FMN1: variants seen among roughly 807,000 people sequenced by gnomAD.
FMN1 encodes the protein formin 1.
A neutral mutation model predicts 132.4 loss-of-function variants in FMN1; 110 were observed. The observed-to-expected ratio is 0.83, with a 90% CI of 0.71 to 0.97. The LOEUF (loss-of-function observed/expected upper bound fraction) is 0.97. FMN1 is among the 50% of genes least tolerant of loss of function. The pLI is 0.00. For synonymous variants in FMN1, 722 were observed against 651.7 expected (o/e 1.11, Z -1.64); for missense variants, 1,792 against 1,705.3 (o/e 1.05, Z -0.90).
intron 17 of FMN1, among the ~76,000 whole-genome samples, chr15:32,828,972 A>G (rs2058437375): frequency 6.6e-6 from 1 of 152,172 alleles, no homozygotes; most frequent in African/African-American, 2.4e-5. Flanking sequence ...ACCTATGTAT[A>G]TTTGCTACAC....
In FMN1 at chr15:32,774,183, A is replaced by T; in HGVS notation, c.*127T>A. ...GGGCACTCTCTGCAGATGACCTCAG[A>T]AAGAGATGAGCAAAAACAAACATTT... On this transcript the variant is annotated 3_prime_UTR_variant, in exon 21 of 21. Coordinates refer to ENST00000616417, the MANE Select transcript of FMN1 (RefSeq NM_001277313.2). 1 of 762,298 alleles carries T rather than the reference A, an allele frequency of 1.3e-6. No homozygotes were observed. Among genetic ancestry groups the T allele is most frequent in the Non-Finnish European group, 2.2e-6 (1 of 447,506 alleles). The allele number at this position is 762,298 out of a possible 1,614,324, so 47.2% of individuals were successfully genotyped here.
At chr15:32,884,890 G>A (rs2059858050) in intron 16 of FMN1, among the ~76,000 whole-genome samples, 1 of 152,192 alleles carries the variant, frequency 6.6e-6, no homozygotes, top group Non-Finnish European at 1.5e-5. Flanking sequence ...ATAGCCAGCT[G>A]GCCTCTCAGC....
rs192857870 is a variant in FMN1, at chr15:33,019,612, G to C, written c.2162-11537C>G. On this transcript the variant is annotated intron_variant, in intron 6 of 20. Coordinates refer to ENST00000616417, the MANE Select transcript of FMN1 (RefSeq NM_001277313.2). The stretch of plus-strand genomic sequence containing the variant: ...TCAGGCATGGCGAGCTGGAGGTCCC[G>C]AGCCCTGCCCTGCAAGGAGGCAGCT... Among the ~76,000 whole-genome samples, 1,105 of 152,288 alleles carry C rather than the reference G, an allele frequency of 7.3e-3. 7 individuals are homozygous for C. Among genetic ancestry groups the C allele is most frequent in the South Asian group, 0.024 (115 of 4,834 alleles).
chr15:33,015,376 G>A (rs2034981407), intron 6 of FMN1, among the ~76,000 whole-genome samples: 2 of 152,122 alleles, frequency 1.3e-5, no homozygotes, highest in African/African-American at 4.8e-5. Flanking sequence ...AATTTCAATG[G>A]CTGGCACCGA....
At position 32,982,427 on chromosome 15, in the gene FMN1, T is replaced by C. The variant is rs144744451; in HGVS notation, c.2224-12950A>G. Reference sequence around the variant, plus strand: ...TCCCACTCCTACACATTTGCCCAAGTGAAACAAAAACATAGGTTAATATGA... The same window carrying C: ...TCCCACTCCTACACATTTGCCCAAGCGAAACAAAAACATAGGTTAATATGA... On this transcript the variant is annotated intron_variant, in intron 7 of 20. Transcript: ENST00000616417. 1.0e-3 allele frequency among the ~76,000 whole-genome samples: 159 copies of C among 152,312 alleles called. 1 individual carries two copies. Among genetic ancestry groups the C allele is most frequent in the African/African-American group, 3.8e-3 (158 of 41,576 alleles).
chr15:33,058,421 G>A (rs566692040), intron 6 of FMN1, among the ~76,000 whole-genome samples: 1 of 152,202 alleles, frequency 6.6e-6, no homozygotes, highest in Admixed American at 6.5e-5. Context: ...AAATAAAAAT[G>A]TTTGCTCATG....
chr15:32,858,589 T>TAGAATA (rs2059189863), intron 16 of FMN1, among the ~76,000 whole-genome samples: 1 of 152,236 alleles, frequency 6.6e-6, no homozygotes, highest in South Asian at 2.1e-4. Flanking sequence ...TAGAGCTATC[T>TAGAATA]AGAATATCTG....
At chr15:32,934,469 C>T (rs957622141) in intron 9 of FMN1, among the ~76,000 whole-genome samples, 1 of 152,052 alleles carries the variant, frequency 6.6e-6, no homozygotes, top group Admixed American at 6.6e-5. Context: ...CTATGTCATG[C>T]CCTTTTCATT....
At chr15:33,087,409 G>A (rs1427172428) in intron 5 of FMN1, among the ~76,000 whole-genome samples, 2 of 152,140 alleles carry the variant, frequency 1.3e-5, no homozygotes, top group Non-Finnish European at 2.9e-5. Flanking sequence ...AGCTGGGTGT[G>A]GTAGCTCACG....
intron 9 of FMN1, among the ~76,000 whole-genome samples, chr15:32,955,778 T>C (rs768801726): frequency 8.6e-5 from 13 of 151,982 alleles, no homozygotes; most frequent in Non-Finnish European, 1.5e-4. Flanking sequence ...TCTCTTCCGA[T>C]ATGGAAGATT....
Position 33,100,196 on chromosome 15 carries a change from T to A in FMN1, c.1868-11222A>T, listed in dbSNP as rs1012675820. On this transcript the variant is annotated intron_variant, in intron 4 of 20. Transcript: ENST00000616417. Reference sequence around the variant, plus strand: ...TTTGGTAGAATAGAATATTTTGAACTGAGCCTAGAGTCTTAAACTTTCACA... The same window carrying A: ...TTTGGTAGAATAGAATATTTTGAACAGAGCCTAGAGTCTTAAACTTTCACA... 3.5e-5 allele frequency among the ~76,000 whole-genome samples: 5 copies of A among 142,496 alleles called. No individual in the cohort carries two copies. The South Asian group carries it at 1.1e-3, about 31-fold the overall frequency. 93.5% of individuals were successfully genotyped at this position (142,496 alleles called of 152,430 possible).
At chr15:33,018,578 C>G (rs971219079) in intron 6 of FMN1, among the ~76,000 whole-genome samples, 7 of 152,188 alleles carry the variant, frequency 4.6e-5, no homozygotes, top group African/African-American at 1.7e-4. Flanking sequence ...GAAATGTAAG[C>G]TCTACGGCCC....
At chr15:33,115,132 C>T (rs775144673) in intron 4 of FMN1, among the ~76,000 whole-genome samples, 1 of 152,164 alleles carries the variant, frequency 6.6e-6, no homozygotes, top group African/African-American at 2.4e-5. Context: ...AGGCCCTTGC[C>T]TTCAAGGAGT....
At chr15:33,070,705 T>C (rs1314884821) in intron 5 of FMN1, among the ~76,000 whole-genome samples, 2 of 152,158 alleles carry the variant, frequency 1.3e-5, no homozygotes, top group Non-Finnish European at 2.9e-5. Flanking sequence ...TAAGCAACCA[T>C]AGCTGAGAGA....
chr15:32,887,808 C>T (rs2059930640), intron 16 of FMN1, among the ~76,000 whole-genome samples: 1 of 152,118 alleles, frequency 6.6e-6, no homozygotes, highest in Non-Finnish European at 1.5e-5. Context: ...TTTTTCTCAT[C>T]TGTAAAATGG....
Position 32,893,395 on chromosome 15 carries a change from C to T in FMN1, c.3715-5103G>A, listed in dbSNP as rs142813780. Among the ~76,000 whole-genome samples the T allele has an allele frequency of 3.8e-3, 577 of 152,308 alleles. 3 individuals carry two copies. Among genetic ancestry groups the T allele is most frequent in the African/African-American group, 0.013 (552 of 41,562 alleles). On this transcript the variant is annotated intron_variant, in intron 15 of 20. Transcript: ENST00000616417. The stretch of plus-strand genomic sequence containing the variant: ...GTGTGTGTGTGTGCGCGCTCGTGCG[C>T]GCGCTAGAAAAAAGGAAATGTTGCT...
intron 9 of FMN1, among the ~76,000 whole-genome samples, chr15:32,955,202 C>A (rs2140523340): frequency 6.6e-6 from 1 of 152,250 alleles, no homozygotes; most frequent in East Asian, 1.9e-4. Flanking sequence ...AGTGGCACTA[C>A]TAGTGATATC....
intron 7 of FMN1, among the ~76,000 whole-genome samples, chr15:32,990,288 AAAG>A (rs1408993476): frequency 3.3e-5 from 5 of 152,194 alleles, no homozygotes; most frequent in South Asian, 2.1e-4. Flanking sequence ...GGAGGGCAGC[AAAG>A]AAGATAGAGA....
intron 10 of FMN1, among the ~76,000 whole-genome samples, chr15:32,913,379 A>G (rs2060610407): frequency 1.3e-5 from 2 of 152,080 alleles, no homozygotes; most frequent in South Asian, 2.1e-4. Flanking sequence ...CATACCTCCA[A>G]TATCTTCCTT....
Sources: allele counts gnomAD v4.1 joint callset (sites outside exome capture counted in the v4.1 genomes callset), GRCh38; gene constraint gnomAD v4.1.1; transcripts MANE v1.5; gene names NCBI Gene and HGNC (gene_info 2026-07-23, HGNC 2026-07-21).